Variants in FAM135B observed in about 807,000 individuals in gnomAD.
FAM135B encodes protein FAM135B.
In FAM135B, 43 loss-of-function variants were observed where a neutral mutation model predicts 127.7. That is an observed-to-expected ratio of 0.34 (90% confidence interval 0.26 to 0.43). The LOEUF (loss-of-function observed/expected upper bound fraction) is 0.43, where lower values mean the gene tolerates loss of function less well. Ranked by LOEUF, FAM135B falls within the 20% of genes least tolerant of loss-of-function variation. FAM135B has a pLI of 1.00. For missense variants in FAM135B, 1,558 were observed against 1,725.6 expected (o/e 0.90, Z 1.72); for synonymous variants, 670 against 665.1 (o/e 1.01, Z -0.11).
At chr8:138,206,284 C>CCCA (rs1563768566) in intron 7 of FAM135B, among the ~76,000 whole-genome samples, 2 of 57,784 alleles carry the variant, frequency 3.5e-5, no homozygotes, top group Admixed American at 1.6e-4. Context: ...CCTCCACCTA[C>CCCA]GCACAGCTCT....
intron 1 of FAM135B, among the ~76,000 whole-genome samples, chr8:138,441,994 T>C (rs1002032689): frequency 6.6e-5 from 10 of 151,726 alleles, no homozygotes; most frequent in Admixed American, 4.6e-4. Context: ...CACCGAGTGA[T>C]GCAGATTGGT....
chr8:138,268,241 C>T (rs921022980), intron 3 of FAM135B, among the ~76,000 whole-genome samples: 1 of 152,152 alleles, frequency 6.6e-6, no homozygotes, highest in African/African-American at 2.4e-5. Context: ...ATACAATATA[C>T]AGTATGATGA....
intron 7 of FAM135B, among the ~76,000 whole-genome samples, chr8:138,238,536 C>T (rs1006964127): frequency 4.6e-5 from 7 of 152,180 alleles, no homozygotes; most frequent in African/African-American, 1.7e-4. Context: ...GAGAAAAAGA[C>T]ATGGCCTGTC....
At chr8:138,401,226 G>T (rs567721884) in intron 1 of FAM135B, among the ~76,000 whole-genome samples, 19 of 152,254 alleles carry the variant, frequency 1.2e-4, no homozygotes, top group East Asian at 1.2e-3. Context: ...CTCTAAGCAG[G>T]ACTAGTGCAG....
At chr8:138,340,265 C>T (rs984318853) in intron 2 of FAM135B, among the ~76,000 whole-genome samples, 1 of 152,040 alleles carries the variant, frequency 6.6e-6, no homozygotes, top group African/African-American at 2.4e-5. Flanking sequence ...AATGCCACAC[C>T]AGAACAATAC....
intron 1 of FAM135B, among the ~76,000 whole-genome samples, chr8:138,392,610 A>T (rs73717252): frequency 0.34 from 51,556 of 151,852 alleles, 9,101 homozygotes; most frequent in Non-Finnish European, 0.37. Flanking sequence ...AAAAAGAACA[A>T]TGCTTTAGAA....
At chr8:138,189,762 C>T (rs541367670) in intron 9 of FAM135B, among the ~76,000 whole-genome samples, 123 of 152,298 alleles carry the variant, frequency 8.1e-4, no homozygotes, top group African/African-American at 2.7e-3. Flanking sequence ...CCAGTGCCTA[C>T]GCTCCAGTTC....
chr8:138,458,787 C>T lies in FAM135B; in HGVS notation c.-20+37884G>A, dbSNP rs189651623. On this transcript the variant is annotated intron_variant, in intron 1 of 19. Coordinates refer to ENST00000395297, the MANE Select transcript of FAM135B (RefSeq NM_015912.4). Reference sequence around the variant, plus strand: ...TATCTAGCCCTTTACAAAAAACGTACGCTGACCGCTGATTTAGGAGTTCAT... The same window carrying T: ...TATCTAGCCCTTTACAAAAAACGTATGCTGACCGCTGATTTAGGAGTTCAT... 3.7e-4 allele frequency among the ~76,000 whole-genome samples: 57 copies of T among 152,276 alleles called. 1 individual carries two copies. In the East Asian group the frequency reaches 8.5e-3, roughly 23 times the overall value.
chr8:138,365,891 T>C (rs1830700471), intron 2 of FAM135B, among the ~76,000 whole-genome samples: 1 of 152,174 alleles, frequency 6.6e-6, no homozygotes, highest in South Asian at 2.1e-4. Context: ...GATTCTGCCA[T>C]ACAGAAACAG....
At chr8:138,268,986 T>C (rs1343116522) in intron 3 of FAM135B, among the ~76,000 whole-genome samples, 2 of 151,804 alleles carry the variant, frequency 1.3e-5, no homozygotes, top group Non-Finnish European at 2.9e-5. Flanking sequence ...GGAAAGGGAA[T>C]GTGAAAGAAA....
chr8:138,216,533 C>T (rs117962895), intron 7 of FAM135B, among the ~76,000 whole-genome samples: 1 of 152,122 alleles, frequency 6.6e-6, no homozygotes, highest in Non-Finnish European at 1.5e-5. Flanking sequence ...TAATGCCTGT[C>T]TGAGCCAGGA....
chr8:138,335,249 C>G (rs996928643), intron 2 of FAM135B, among the ~76,000 whole-genome samples: 1 of 152,080 alleles, frequency 6.6e-6, no homozygotes, highest in Non-Finnish European at 1.5e-5. Context: ...TTTTCAGAGT[C>G]CCACAGAGGT....
intron 7 of FAM135B, among the ~76,000 whole-genome samples, chr8:138,237,150 ATTTTTTTTTTTTT>A (rs10604150): frequency 4.2e-4 from 43 of 101,320 alleles, no homozygotes; most frequent in Non-Finnish European, 4.5e-4. Context: ...TGGATCCTTG[ATTTTTTTTTTTTT>A]TTTTTTTTTT....
chr8:138,137,464 G>T (rs1202442028), intron 18 of FAM135B, among the ~76,000 whole-genome samples: 1 of 152,122 alleles, frequency 6.6e-6, no homozygotes, highest in South Asian at 2.1e-4. Flanking sequence ...GGGGGCCTAT[G>T]GGAGGTTGAG....
At chr8:138,410,654 G>A (rs1355691500) in intron 1 of FAM135B, among the ~76,000 whole-genome samples, 2 of 152,162 alleles carry the variant, frequency 1.3e-5, no homozygotes, top group African/African-American at 4.8e-5. Flanking sequence ...GCAAGGCTGT[G>A]GAGAAAAGCA....
chr8:138,216,503 T>G (rs984735599), intron 7 of FAM135B, among the ~76,000 whole-genome samples: 2 of 152,144 alleles, frequency 1.3e-5, no homozygotes, highest in African/African-American at 2.4e-5. Flanking sequence ...AGGGAAAGGA[T>G]GCAGGTAAGG....
chr8:138,137,331 A>G, intron 18 of FAM135B, 71 bp from the exon 19 acceptor site: 3 of 837,006 alleles, frequency 3.6e-6, no homozygotes, highest in East Asian at 2.4e-5. Flanking sequence ...GGAAATTTGC[A>G]CAAATTTCCA....
At chr8:138,256,833 TCCCA>T in intron 4 of FAM135B, 74 bp from the exon 5 acceptor site, 7 of 1,123,998 alleles carry the variant, frequency 6.2e-6, no homozygotes, top group South Asian at 1.3e-5. Context: ...CTGGTCTACT[TCCCA>T]AAGTAGAGAA....
rs554124978 is a variant in FAM135B, at chr8:138,281,297, T to C, written c.158-15455A>G. ...TGAAATATATTCACCATTCTCTCAT[T>C]AGAAATAAAATATACACAGAAGTCA... On this transcript the variant is annotated intron_variant, in intron 3 of 19. Transcript: ENST00000395297. 7.9e-5 allele frequency among the ~76,000 whole-genome samples: 12 copies of C among 152,228 alleles called. No homozygotes were observed. The South Asian group carries it at 1.2e-3, about 16-fold the overall frequency.
Sources: gnomAD v4.1 joint callset for allele counts (sites outside exome capture counted in the v4.1 genomes callset) on GRCh38, gnomAD v4.1.1 for gene constraint, MANE v1.5 for transcripts, NCBI Gene and HGNC (gene_info 2026-07-23, HGNC 2026-07-21) for gene names.